Variants in B4GALNT3 observed in about 807,000 individuals in gnomAD.
The protein encoded by B4GALNT3 is beta-1,4-N-acetyl-galactosaminyltransferase 3.
Under a neutral mutation model 120.2 loss-of-function variants are expected in B4GALNT3, and 86 were observed. That is an observed-to-expected ratio of 0.72 (90% CI 0.60 to 0.86). The LOEUF (loss-of-function observed/expected upper bound fraction) is 0.86. Ranked by LOEUF, B4GALNT3 falls within the 40% of genes least tolerant of loss-of-function variation. The pLI, the probability that B4GALNT3 is intolerant of heterozygous loss-of-function variation, is 0.00. For missense variants in B4GALNT3, 1,167 were observed against 1,298.9 expected (o/e 0.90, Z 1.56); for synonymous variants, 518 against 510.4 (o/e 1.01, Z -0.20).
intron 1 of B4GALNT3, among the ~76,000 whole-genome samples, chr12:522,940 TTAAAA>T (rs1427473742): frequency 1.3e-4 from 10 of 77,074 alleles, no homozygotes; most frequent in Admixed American, 4.7e-4. Flanking sequence ...GAGACTCTGT[TTAAAA>T]AAAAAAAAAA....
chr12:538,508 G>C lies in B4GALNT3; in HGVS notation c.351+2213G>C, dbSNP rs142733103. 6.0e-4 allele frequency among the ~76,000 whole-genome samples: 87 copies of C among 145,134 alleles called. 1 individual carries two copies. The East Asian group carries it at 0.015, about 25-fold the overall frequency. ...TAGGCAGTTAAGGCTTCAGTGAGCC[G>C]AGATTGTGCCACTGCACTCCAGCCT... On this transcript the variant is annotated intron_variant, in intron 3 of 19. Transcript: ENST00000266383.
At chr12:472,311 C>T (rs1371826710) in intron 1 of B4GALNT3, among the ~76,000 whole-genome samples, 3 of 152,202 alleles carry the variant, frequency 2.0e-5, no homozygotes, top group Non-Finnish European at 4.4e-5. Context: ...GACAGTGTCT[C>T]AGTCTGTTGC....
intron 5 of B4GALNT3, 79 bp from the exon 6 acceptor site, chr12:545,290 C>A: frequency 1.3e-6 from 2 of 1,530,160 alleles, no homozygotes; most frequent in South Asian, 2.4e-5. Context: ...AATTTAATCG[C>A]TAAGACACTC....
chr12:504,733 C>A (rs1001387675), intron 1 of B4GALNT3, among the ~76,000 whole-genome samples: 7 of 152,076 alleles, frequency 4.6e-5, no homozygotes, highest in Admixed American at 2.0e-4. Flanking sequence ...AACAAAAAAA[C>A]CCCACATACT....
In B4GALNT3 at chr12:485,653, C is replaced by T. The variant is rs182833046; in HGVS notation, c.169+25108C>T. ...TAGGAAGCTTAAAAAATAACTGAGG[C>T]GATACAAGCATATGATTTATCGACA... is the stretch of plus-strand genomic sequence containing the variant. On this transcript the variant is annotated intron_variant, in intron 1 of 19. Coordinates refer to ENST00000266383, the MANE Select transcript of B4GALNT3 (RefSeq NM_173593.4). Among the ~76,000 whole-genome samples the T allele has an allele frequency of 3.7e-4, 56 of 152,144 alleles. 1 individual carries two copies. The highest frequency in any genetic ancestry group is 1.2e-3 in the African/African-American group (49 of 41,502).
At chr12:468,416 C>G (rs1265457619) in intron 1 of B4GALNT3, among the ~76,000 whole-genome samples, 2 of 152,210 alleles carry the variant, frequency 1.3e-5, no homozygotes, top group African/African-American at 4.8e-5. Flanking sequence ...ATTATTACGT[C>G]TTTCCATATA....
At chr12:511,394 T>C (rs1291154840) in intron 1 of B4GALNT3, among the ~76,000 whole-genome samples, 54 of 71,512 alleles carry the variant, frequency 7.6e-4, no homozygotes, top group Admixed American at 1.4e-3. Flanking sequence ...TTCCACCTTC[T>C]GTCTTCCACC....
intron 1 of B4GALNT3, among the ~76,000 whole-genome samples, chr12:498,887 G>A (rs542381569): frequency 5.1e-4 from 77 of 152,330 alleles, no homozygotes; most frequent in Non-Finnish European, 9.0e-4. Flanking sequence ...GCAGACTGTG[G>A]CCTCACAGTT....
intron 1 of B4GALNT3, among the ~76,000 whole-genome samples, chr12:513,869 G>T (rs781128864): frequency 1.3e-5 from 2 of 152,178 alleles, no homozygotes; most frequent in Non-Finnish European, 2.9e-5. Context: ...GATTACAGGC[G>T]TGAGCCACTG....
Position 511,013 on chromosome 12 carries a change from C to CTTTTTTTTTTTTTTTTTTT in B4GALNT3, c.170-24129_170-24111dup, listed in dbSNP as rs762032000. On this transcript the variant is annotated intron_variant, in intron 1 of 19. Coordinates refer to ENST00000266383, the MANE Select transcript of B4GALNT3 (RefSeq NM_173593.4). ...TTTGGTCTCTATGGATTTGCCTATTCTTTTTTTTTTTTTTTTTTTTTTTTT... is the reference window on the plus strand; with the variant it reads ...TTTGGTCTCTATGGATTTGCCTATTCTTTTTTTTTTTTTTTTTTTTTTTTTTTTTTTTTTTTTTTTTTTT... Among the ~76,000 whole-genome samples the CTTTTTTTTTTTTTTTTTTT allele has an allele frequency of 6.8e-5, 3 of 43,860 alleles. 1 individual carries two copies. The highest frequency in any genetic ancestry group is 1.4e-4 in the Non-Finnish European group (3 of 21,838). 28.8% of individuals were successfully genotyped at this position (43,860 alleles called of 152,430 possible).
chr12:513,497 G>A (rs1178095839), intron 1 of B4GALNT3, among the ~76,000 whole-genome samples: 2 of 152,226 alleles, frequency 1.3e-5, no homozygotes, highest in African/African-American at 4.8e-5. Flanking sequence ...GAGCATAGCA[G>A]CGAGGACAAC....
chr12:511,928 A>G (rs1280329847), intron 1 of B4GALNT3, among the ~76,000 whole-genome samples: 4 of 87,438 alleles, frequency 4.6e-5, no homozygotes, highest in Non-Finnish European at 6.8e-5. Flanking sequence ...TCCACCTTCC[A>G]CCTTCCACCT....
Position 553,786 on chromosome 12 carries a change from G to T in B4GALNT3, c.1863G>T (p.Val621=), listed in dbSNP as rs779633972. ...AGGAGGAAGAGGATATGAGTGAGGT[G>T]TTCGAGTACGTACCTGTGTTTGACC... The part of the protein sequence containing the change: ...EEEEEEDMSE[V]FEYVPVFDPV... The change falls in exon 14 of 20, where the codon GTG becomes GTT. Residue 621 remains valine, a synonymous_variant. Transcript: ENST00000266383. The T allele has an allele frequency of 1.9e-6, 3 of 1,614,230 alleles. No individual in the cohort carries two copies. In the South Asian group the frequency reaches 3.3e-5, roughly 18 times the overall value.
intron 19 of B4GALNT3, 140 bp downstream of exon 19, chr12:559,561 G>A (rs1947201502): frequency 1.4e-5 from 18 of 1,251,554 alleles, no homozygotes; most frequent in South Asian, 3.0e-5. Flanking sequence ...CTCGGAGGAC[G>A]CCCTCAAATC....
chr12:554,652 T>C (rs1157819094), intron 14 of B4GALNT3, among the ~76,000 whole-genome samples: 6 of 150,422 alleles, frequency 4.0e-5, no homozygotes, highest in Admixed American at 1.3e-4. Context: ...TAGCCAGGCA[T>C]AGTGGCGGGC....
chr12:469,511 G>A (rs4980828), intron 1 of B4GALNT3, among the ~76,000 whole-genome samples: 135,639 of 152,138 alleles, frequency 0.89, 61,629 homozygotes, highest in East Asian at 1. Flanking sequence ...CAGCATTACT[G>A]TGCCATCCAT....
intron 14 of B4GALNT3, chr12:555,341 G>C (rs1947139948): frequency 2.2e-6 from 1 of 456,794 alleles, no homozygotes. Context: ...ACCATGTAAT[G>C]TGTGGCCTTT....
chr12:535,613 G>T (rs190019224), intron 2 of B4GALNT3, among the ~76,000 whole-genome samples: 2 of 152,334 alleles, frequency 1.3e-5, no homozygotes, highest in Non-Finnish European at 2.9e-5. Flanking sequence ...TAGGGTGAGG[G>T]CTGGGCTGTG....
chr12:512,527 T>TC (rs1334199119), intron 1 of B4GALNT3, among the ~76,000 whole-genome samples: 2 of 92,374 alleles, frequency 2.2e-5, no homozygotes, highest in East Asian at 3.9e-4. Context: ...CCTTCGACCT[T>TC]CTTCCACCTT....
Sources: gnomAD v4.1 joint callset for allele counts (sites outside exome capture counted in the v4.1 genomes callset) on GRCh38, gnomAD v4.1.1 for gene constraint, MANE v1.5 for transcripts, NCBI Gene and HGNC (gene_info 2026-07-23, HGNC 2026-07-21) for gene names.